The following ULK4 variants were observed in gnomAD, a reference collection of about 807,000 sequenced individuals.
ULK4 encodes the protein inactive serine/threonine-protein kinase ULK4.
A neutral mutation model predicts 160.6 loss-of-function variants in ULK4; 133 were observed. That is an observed-to-expected ratio of 0.83 (90% CI 0.72 to 0.96). The LOEUF is 0.96. Ranked by LOEUF, ULK4 falls within the 40% of genes least tolerant of loss-of-function variation. The pLI is 0.00. For synonymous variants in ULK4, 534 were observed against 539.8 expected (o/e 0.99, Z 0.15); for missense variants, 1,580 against 1,499.5 (o/e 1.05, Z -0.89).
Position 41,729,371 on chromosome 3 carries a change from C to T in ULK4, c.2322-11510G>A, listed in dbSNP as rs1017296463. On this transcript the variant is annotated intron_variant, in intron 22 of 36. Transcript: ENST00000301831. ...AGTTCAGGAAGCTACCAGGAGTTCA[C>T]GTGGCTGCACTGTGCCAGAGAAGAA... is the stretch of plus-strand genomic sequence containing the variant. 4.6e-5 allele frequency among the ~76,000 whole-genome samples: 7 copies of T among 152,218 alleles called. No individual in the cohort carries two copies. The South Asian group carries it at 6.2e-4, about 14-fold the overall frequency.
intron 31 of ULK4, among the ~76,000 whole-genome samples, chr3:41,604,028 G>T (rs2032248424): frequency 6.6e-6 from 1 of 151,992 alleles, no homozygotes; most frequent in Non-Finnish European, 1.5e-5. Context: ...ATTCCCATGG[G>T]ACTACTTTAG....
Position 41,940,029 on chromosome 3 carries a change from G to GT in ULK4, c.139-1833dup, listed in dbSNP as rs748668534. On this transcript the variant is annotated intron_variant, in intron 2 of 36. Coordinates refer to ENST00000301831, the MANE Select transcript of ULK4 (RefSeq NM_017886.4). ...GGGTACCGGTGCCATAGTTTTTGTTGTTTTTTTTTTTAATAAACATAGAAA... is the reference window on the plus strand; with the variant it reads ...GGGTACCGGTGCCATAGTTTTTGTTGTTTTTTTTTTTTAATAAACATAGAAA... Among the ~76,000 whole-genome samples the GT allele has an allele frequency of 6.0e-3, 868 of 145,422 alleles. 3 individuals carry two copies. Among genetic ancestry groups the GT allele is most frequent in the Non-Finnish European group, 9.6e-3 (630 of 65,794 alleles).
chr3:41,576,544 G>A (rs1426878794), intron 31 of ULK4, among the ~76,000 whole-genome samples: 2 of 152,352 alleles, frequency 1.3e-5, no homozygotes, highest in African/African-American at 2.4e-5. Context: ...CATAGACGGT[G>A]TGAGAGCCTC....
intron 34 of ULK4, among the ~76,000 whole-genome samples, chr3:41,441,758 ATCTCT>A (rs1304385755): frequency 6.6e-6 from 1 of 152,004 alleles, no homozygotes; most frequent in East Asian, 1.9e-4. Context: ...ATTTTCTTTC[ATCTCT>A]TCTATCAATT....
At chr3:41,716,265 A>C (rs1251152205) in intron 23 of ULK4, among the ~76,000 whole-genome samples, 2 of 146,882 alleles carry the variant, frequency 1.4e-5, no homozygotes, top group Non-Finnish European at 3.0e-5. Flanking sequence ...TAAGTGAACG[A>C]ATTACAGAAC....
intron 21 of ULK4, among the ~76,000 whole-genome samples, chr3:41,783,800 C>T (rs2039923443): frequency 6.6e-6 from 1 of 152,136 alleles, no homozygotes; most frequent in Non-Finnish European, 1.5e-5. Flanking sequence ...TTGTAATGAG[C>T]TCATCCAATA....
intron 25 of ULK4, among the ~76,000 whole-genome samples, chr3:41,711,220 A>C (rs1463969489): frequency 6.6e-6 from 1 of 152,154 alleles, no homozygotes; most frequent in African/African-American, 2.4e-5. Context: ...AAGGCCAATG[A>C]CCCAGAAATC....
intron 34 of ULK4, among the ~76,000 whole-genome samples, chr3:41,436,898 T>C (rs760750167): frequency 4.6e-5 from 7 of 152,180 alleles, no homozygotes; most frequent in African/African-American, 1.4e-4. Context: ...TGCTTTCTTA[T>C]AAAAGAAAAT....
chr3:41,681,689 A>C (rs748306866), intron 28 of ULK4, 37 bp from the exon 29 acceptor site: 1 of 1,613,924 alleles, frequency 6.2e-7, no homozygotes, highest in Non-Finnish European at 8.5e-7. Context: ...ATGTGACTCC[A>C]TGGAGACAGA....
chr3:41,575,396 G>A (rs1339195979), intron 31 of ULK4, among the ~76,000 whole-genome samples: 1 of 152,086 alleles, frequency 6.6e-6, no homozygotes, highest in Non-Finnish European at 1.5e-5. Flanking sequence ...GGGTTGAGCA[G>A]GCTCTGACAG....
intron 35 of ULK4, among the ~76,000 whole-genome samples, chr3:41,388,080 A>G (rs1670771043): frequency 6.6e-6 from 1 of 152,100 alleles, no homozygotes; most frequent in Non-Finnish European, 1.5e-5. Flanking sequence ...CTGGTGTGAG[A>G]TGGTATCTCA....
intron 30 of ULK4, among the ~76,000 whole-genome samples, chr3:41,662,609 T>C (rs907845949): frequency 6.6e-6 from 1 of 152,152 alleles, no homozygotes; most frequent in African/African-American, 2.4e-5. Flanking sequence ...GAAATCAAGA[T>C]GGTTGGGGCT....
chr3:41,958,026 G>A (rs979681642), intron 1 of ULK4, among the ~76,000 whole-genome samples: 10 of 137,790 alleles, frequency 7.3e-5, no homozygotes, highest in Admixed American at 7.1e-4. Context: ...CCTGGGCAAC[G>A]AAGTGAGACC....
At chr3:41,323,147 G>A (rs896192726) in intron 35 of ULK4, among the ~76,000 whole-genome samples, 2 of 151,652 alleles carry the variant, frequency 1.3e-5, no homozygotes, top group African/African-American at 4.8e-5. Flanking sequence ...ATGTTGGTCA[G>A]GCTGGTCGTG....
At chr3:41,830,322 A>C (rs912113476) in intron 18 of ULK4, among the ~76,000 whole-genome samples, 1 of 152,064 alleles carries the variant, frequency 6.6e-6, no homozygotes, top group Non-Finnish European at 1.5e-5. Flanking sequence ...ACCAAGGAAA[A>C]TTACTCTCTA....
At chr3:41,377,685 C>A (rs550688138) in intron 35 of ULK4, among the ~76,000 whole-genome samples, 1 of 147,646 alleles carries the variant, frequency 6.8e-6, no homozygotes, top group African/African-American at 2.6e-5. Context: ...TACCATCTCA[C>A]ACCAGTTAGA....
intron 29 of ULK4, among the ~76,000 whole-genome samples, chr3:41,671,571 T>A (rs934003768): frequency 1.3e-5 from 2 of 151,968 alleles, no homozygotes; most frequent in Non-Finnish European, 2.9e-5. Context: ...CTGTCTCTCA[T>A]CATATATAAT....
intron 35 of ULK4, among the ~76,000 whole-genome samples, chr3:41,282,132 C>A (rs186282309): frequency 3.3e-5 from 5 of 152,276 alleles, no homozygotes; most frequent in East Asian, 1.9e-4. Flanking sequence ...CTACAAACCA[C>A]TGCTCAATGA....
intron 29 of ULK4, among the ~76,000 whole-genome samples, chr3:41,678,143 G>A (rs1400542794): frequency 8.6e-5 from 13 of 150,324 alleles, no homozygotes; most frequent in African/African-American, 2.5e-4. Context: ...CTGTAATCAC[G>A]CGAGCCGGTT....
Sources: allele counts gnomAD v4.1 joint callset (sites outside exome capture counted in the v4.1 genomes callset), GRCh38; gene constraint gnomAD v4.1.1; transcripts MANE v1.5; gene names NCBI Gene and HGNC (gene_info 2026-07-23, HGNC 2026-07-21).